The following CATSPERT variants were observed in gnomAD, a reference collection of about 807,000 sequenced individuals.
CATSPERT encodes cation channel sperm-associated targeting subunit tau.
chr2:201,565,777 T>A, the CATSPERT span: 1 of 1,611,260 alleles, frequency 6.2e-7, no homozygotes, highest in Admixed American at 1.7e-5. Flanking sequence ...TACAGATGGC[T>A]GGTTGGAGGA....
chr2:201,598,846 G>A, the CATSPERT span, among the ~76,000 whole-genome samples: 5 of 152,180 alleles, frequency 3.3e-5, no homozygotes, highest in Non-Finnish European at 7.4e-5. Flanking sequence ...CTCCCAAAGT[G>A]CTGGGCTTAC....
the CATSPERT span, chr2:201,601,809 C>A: frequency 1.9e-6 from 3 of 1,612,006 alleles, no homozygotes; most frequent in South Asian, 2.2e-5. Context: ...GGATAGCAAG[C>A]TACACATTTT....
At chr2:201,595,094 C>G in the CATSPERT span, among the ~76,000 whole-genome samples, 1 of 152,146 alleles carries the variant, frequency 6.6e-6, no homozygotes, top group Admixed American at 6.5e-5. Context: ...CTGCTTTTTC[C>G]CCATCTTTGT....
chr2:201,586,814 T>C, the CATSPERT span, among the ~76,000 whole-genome samples: 1 of 152,182 alleles, frequency 6.6e-6, no homozygotes, highest in South Asian at 2.1e-4. Context: ...GTTACATTTC[T>C]TTAACATCTA....
chr2:201,499,038 G>T, the CATSPERT span, among the ~76,000 whole-genome samples: 2 of 151,826 alleles, frequency 1.3e-5, no homozygotes, highest in Admixed American at 1.3e-4. Flanking sequence ...CATCCTACCT[G>T]CCATCTTCCA....
the CATSPERT span, among the ~76,000 whole-genome samples, chr2:201,589,612 G>A: frequency 6.6e-6 from 1 of 152,198 alleles, no homozygotes; most frequent in Non-Finnish European, 1.5e-5. Context: ...ACTCAAGATT[G>A]ATTAAATATT....
At chr2:201,536,852 T>C in the CATSPERT span, among the ~76,000 whole-genome samples, 1 of 151,900 alleles carries the variant, frequency 6.6e-6, no homozygotes, top group African/African-American at 2.4e-5. Flanking sequence ...AAAACAGTAA[T>C]ACATACTGAC....
the CATSPERT span, chr2:201,575,369 T>G: frequency 6.7e-7 from 1 of 1,489,628 alleles, no homozygotes; most frequent in Non-Finnish European, 9.1e-7. Flanking sequence ...ATTACCCATG[T>G]ATTTCCCTGT....
chr2:201,582,023 A>T, the CATSPERT span: 6 of 1,541,702 alleles, frequency 3.9e-6, no homozygotes, highest in Non-Finnish European at 5.2e-6. Context: ...CATCAAGTAT[A>T]ATAAATCACA....
the CATSPERT span, among the ~76,000 whole-genome samples, chr2:201,498,962 GA>G: frequency 6.6e-6 from 1 of 150,622 alleles, no homozygotes; most frequent in African/African-American, 2.4e-5. Flanking sequence ...AAGGGGATTT[GA>G]AAAAAAGGAA....
chr2:201,491,829 A>G, the CATSPERT span: 3 of 1,536,976 alleles, frequency 2.0e-6, no homozygotes, highest in South Asian at 1.2e-5. Flanking sequence ...TACCACCCCA[A>G]CTATATGGGT....
At chr2:201,615,539 T>A in the CATSPERT span, among the ~76,000 whole-genome samples, 1 of 152,124 alleles carries the variant, frequency 6.6e-6, no homozygotes, top group Non-Finnish European at 1.5e-5. Context: ...CCAGAATCTC[T>A]GGGACACATT....
At chr2:201,604,988 G>A in the CATSPERT span, among the ~76,000 whole-genome samples, 1 of 152,008 alleles carries the variant, frequency 6.6e-6, no homozygotes, top group African/African-American at 2.4e-5. Flanking sequence ...CTTATAAAGA[G>A]AATTCCAGTT....
chr2:201,540,169 T>G, the CATSPERT span, among the ~76,000 whole-genome samples: 12 of 152,290 alleles, frequency 7.9e-5, no homozygotes, highest in African/African-American at 2.9e-4. Context: ...AAATGTTGGT[T>G]CGTGAGGTTT....
chr2:201,613,804 A>T, the CATSPERT span, among the ~76,000 whole-genome samples: 2 of 152,248 alleles, frequency 1.3e-5, no homozygotes, highest in African/African-American at 4.8e-5. Flanking sequence ...GAAGCTAAAA[A>T]CCTTGAAAAA....
At chr2:201,597,783 G>C in the CATSPERT span, among the ~76,000 whole-genome samples, 10 of 152,098 alleles carry the variant, frequency 6.6e-5, no homozygotes, top group African/African-American at 2.2e-4. Flanking sequence ...GCCAGAACCA[G>C]AAATCCACTA....
the CATSPERT span, among the ~76,000 whole-genome samples, chr2:201,544,498 GCTAAT>G: frequency 4.0e-5 from 6 of 151,772 alleles, no homozygotes; most frequent in African/African-American, 1.5e-4. Flanking sequence ...CAAATGTAAT[GCTAAT>G]CTAATTTCCT....
chr2:201,587,465 T>C, the CATSPERT span, among the ~76,000 whole-genome samples: 1 of 152,170 alleles, frequency 6.6e-6, no homozygotes, highest in Admixed American at 6.6e-5. Flanking sequence ...AAATCTAGGC[T>C]GAATTTCCCC....
At chr2:201,541,721 G>C in the CATSPERT span, among the ~76,000 whole-genome samples, 2 of 151,386 alleles carry the variant, frequency 1.3e-5, no homozygotes, top group Non-Finnish European at 2.9e-5. Context: ...TCAGCCTCCT[G>C]AGTAGCTGGG....
Sources: gnomAD v4.1 joint callset for allele counts (sites outside exome capture counted in the v4.1 genomes callset) on GRCh38, gnomAD v4.1.1 for gene constraint, MANE v1.5 for transcripts, NCBI Gene and HGNC (gene_info 2026-07-23, HGNC 2026-07-21) for gene names.